JRK: variants seen among roughly 807,000 people sequenced by gnomAD.
JRK encodes Jrk helix-turn-helix protein, also known as jerky protein homolog.
For synonymous variants in JRK, 303 were observed against 218.1 expected (o/e 1.39, Z -3.43); for missense variants, 720 against 509.2 (o/e 1.41, Z -3.98).
intron 1 of JRK, among the ~76,000 whole-genome samples, chr8:142,669,702 G>A (rs587744004): frequency 2.3e-4 from 35 of 151,256 alleles, no homozygotes; most frequent in South Asian, 2.3e-3. Flanking sequence ...GGGGTCGCGC[G>A]GGAAGCACAG....
Position 142,663,725 on chromosome 8 carries a change from A to G in JRK, c.*627T>C. On this transcript the variant is annotated 3_prime_UTR_variant, in exon 2 of 2. Transcript: ENST00000612905. ...GCCCATGGGACAGGATCTGCGGGTA[A>G]CAGAGGATGGTTCCAGAGTCATTCT... The G allele has an allele frequency of 1.0e-6, 1 of 985,480 alleles. No homozygotes were observed. The highest frequency in any genetic ancestry group is 1.2e-6 in the Non-Finnish European group (1 of 829,952). The allele number at this position is 985,480 out of a possible 1,614,324, so 61.0% of individuals were successfully genotyped here.
At position 142,662,241 on chromosome 8, in the gene JRK, G is replaced by C. The variant is rs3824208; in HGVS notation, c.*2111C>G. 0.61 allele frequency: 599,850 copies of C among 985,452 alleles called. 185,687 individuals carry two copies. The highest frequency in any genetic ancestry group is 0.66 in the Admixed American group (10,797 of 16,278). 61.0% of individuals were successfully genotyped at this position (985,452 alleles called of 1,614,324 possible). On this transcript the variant is annotated 3_prime_UTR_variant, in exon 2 of 2. Transcript: ENST00000612905. ...CTCAGGTCCTGAAGAGCTACAGTCT[G>C]ACAGGGACAAGCCATGTCCAGAGGA...
At chr8:142,656,289 C>T (rs4430071), downstream of JRK, among the ~76,000 whole-genome samples, 90,309 of 151,634 alleles carry the variant, frequency 0.6, 28,156 homozygotes, top group Admixed American at 0.69. Context: ...TAGTGGCATC[C>T]ATTTCCCACC....
intron 1 of JRK, 122 bp from the exon 2 acceptor site, chr8:142,666,642 T>C (rs73379628): frequency 0.01 from 1,881 of 181,700 alleles, 32 homozygotes; most frequent in African/African-American, 0.042. Flanking sequence ...AGAGGACCCA[T>C]GCAAGTGCTG....
rs1847123762 is a variant in JRK, at chr8:142,666,178, G to A, written c.-120C>T. ...CCGTCTCTCCCTCTCCACTCTGCCT[G>A]CCTGCTCTGCTGATCCTGAGCACAG... On this transcript the variant is annotated 5_prime_UTR_variant, in exon 2 of 2. Coordinates refer to ENST00000612905, the MANE Select transcript of JRK (RefSeq NM_003724.4). The A allele has an allele frequency of 6.6e-7, 1 of 1,522,078 alleles. No homozygotes were observed. Among genetic ancestry groups the A allele is most frequent in the Admixed American group, 2.0e-5 (1 of 50,702 alleles). 94.3% of individuals were successfully genotyped at this position (1,522,078 alleles called of 1,614,324 possible).
At position 142,659,805 on chromosome 8, in the gene JRK, G is replaced by A; in HGVS notation, c.*4547C>T. ...ACGTGAGGCTGGTCATTAGGAGCAGGTAGCCCTGGGTCTCCCTCTGCCCTC... is the reference window on the plus strand; with the variant it reads ...ACGTGAGGCTGGTCATTAGGAGCAGATAGCCCTGGGTCTCCCTCTGCCCTC... On this transcript the variant is annotated 3_prime_UTR_variant, in exon 2 of 2. Transcript: ENST00000612905. The A allele has an allele frequency of 2.0e-6, 2 of 985,632 alleles. No individual in the cohort carries two copies. Among genetic ancestry groups the A allele is most frequent in the Non-Finnish European group, 2.4e-6 (2 of 830,048 alleles). The allele number at this position is 985,632 out of a possible 1,614,324, so 61.1% of individuals were successfully genotyped here.
chr8:142,662,018 C>CAGG lies in JRK; in HGVS notation c.*2331_*2333dup, dbSNP rs1846932007. On this transcript the variant is annotated 3_prime_UTR_variant, in exon 2 of 2. Transcript: ENST00000612905. ...AGCGAGCCCAGGTGAGGAGGGGCTGCAGGAGGAGCAGGGCCCGAGTCCCCT... is the reference window on the plus strand; with the variant it reads ...AGCGAGCCCAGGTGAGGAGGGGCTGCAGGAGGAGGAGCAGGGCCCGAGTCCCCT... The CAGG allele has an allele frequency of 1.0e-6, 1 of 985,344 alleles. No individual in the cohort carries two copies. The highest frequency in any genetic ancestry group is 1.2e-6 in the Non-Finnish European group (1 of 830,002). 61.0% of individuals were successfully genotyped at this position (985,344 alleles called of 1,614,324 possible). A position where few individuals can be genotyped will look rare whatever the true frequency, so the allele number is the denominator to read the frequency against.
Position 142,658,632 on chromosome 8 carries a change from C to T in JRK, c.*5720G>A. 8.4e-6 allele frequency: 5 copies of T among 596,698 alleles called. No individual in the cohort carries two copies. Among genetic ancestry groups the T allele is most frequent in the Non-Finnish European group, 1.3e-5 (5 of 374,954 alleles). The allele number at this position is 596,698 out of a possible 1,614,324, so 37.0% of individuals were successfully genotyped here. The stretch of plus-strand genomic sequence containing the variant: ...GGCGAGCCCCACCCTCACGATCTCA[C>T]CTAAGCCTAGTCACCTCCCAAAGGC... On this transcript the variant is annotated 3_prime_UTR_variant, in exon 2 of 2. Transcript: ENST00000612905.
Position 142,665,273 on chromosome 8 carries a change from C to T in JRK, c.786G>A (p.Val262=), listed in dbSNP as rs1390978418. The T allele has an allele frequency of 2.8e-6, 2 of 717,784 alleles. No individual in the cohort carries two copies. The highest frequency in any genetic ancestry group is 2.7e-5 in the East Asian group (1 of 37,286). 44.5% of individuals were successfully genotyped at this position (717,784 alleles called of 1,614,324 possible). A position where few individuals can be genotyped will look rare whatever the true frequency, so the allele number is the denominator to read the frequency against. Residue 262 remains valine, a synonymous_variant, in exon 2 of 2, where the codon GTG becomes GTA. Coordinates refer to ENST00000612905, the MANE Select transcript of JRK (RefSeq NM_003724.4). ...VAYKAQGNAW[V]DKEIFSDWFH... ...ACCAATCGGAAAAAATCTCCTTGTC[C>T]ACCCAGGCGTTCCCCTGGGCCTTAT... is the stretch of plus-strand genomic sequence containing the variant.
In JRK at chr8:142,659,157, C is replaced by T; in HGVS notation, c.*5195G>A. 1.5e-6 allele frequency: 2 copies of T among 1,329,526 alleles called. No homozygotes were observed. The highest frequency in any genetic ancestry group is 1.9e-6 in the Non-Finnish European group (2 of 1,036,386). 82.4% of individuals were successfully genotyped at this position (1,329,526 alleles called of 1,614,324 possible). On this transcript the variant is annotated 3_prime_UTR_variant, in exon 2 of 2. Coordinates refer to ENST00000612905, the MANE Select transcript of JRK (RefSeq NM_003724.4). ...TCCCAGCTCAAGCCTGGCAGCTCCT[C>T]CCACTGAGCCTCATGGTCACCCCAG...
chr8:142,669,522 A>G (rs1847254919), intron 1 of JRK, among the ~76,000 whole-genome samples: 1 of 152,164 alleles, frequency 6.6e-6, no homozygotes, highest in Non-Finnish European at 1.5e-5. Flanking sequence ...ACAAGAACAA[A>G]AACAGAAATG....
At position 142,665,720 on chromosome 8, in the gene JRK, G is replaced by T; in HGVS notation, c.339C>A (p.Ile113=). 2 of 765,224 alleles carry T rather than the reference G, an allele frequency of 2.6e-6. No individual in the cohort carries two copies. The highest frequency in any genetic ancestry group is 4.9e-6 in the Non-Finnish European group (2 of 410,996). The allele number at this position is 765,224 out of a possible 1,614,324, so 47.4% of individuals were successfully genotyped here. ...EGVPVSGPML[I]EKAKDFYEQM... ...GCTCGTAGAAGTCCTTGGCCTTCTC[G>T]ATGAGCATGGGGCCTGACACGGGGA... Residue 113 remains isoleucine (I), a synonymous_variant, in exon 2 of 2, where the codon ATC becomes ATA. Coordinates refer to ENST00000612905, the MANE Select transcript of JRK (RefSeq NM_003724.4).
At chr8:142,646,176 A>G in the JRK span, among the ~76,000 whole-genome samples, 7 of 152,344 alleles carry the variant, frequency 4.6e-5, no homozygotes, top group African/African-American at 1.7e-4. Context: ...TACAATAGTC[A>G]TCATTTAAAG....
Position 142,664,818 on chromosome 8 carries a change from G to T in JRK, c.1241C>A (p.Ser414Tyr). 6.3e-7 allele frequency: 1 copy of T among 1,598,520 alleles called. No individual in the cohort carries two copies. Among genetic ancestry groups the T allele is most frequent in the Non-Finnish European group, 8.5e-7 (1 of 1,171,904 alleles). ...ECFPVKPHNK[S>Y]FAHILELVKE... ...CACAAGCTCCAGGATGTGTGCAAAG[G>T]ACTTGTTGTGGGGCTTCACTGGGAA... The change falls in exon 2 of 2, where the codon TCC becomes TAC. Residue 414 changes from serine (S) to tyrosine (Y), a missense_variant. By Grantham distance (144) the Ser-to-Tyr change is moderately radical. Transcript: ENST00000612905.
In JRK at chr8:142,663,105, A is replaced by G. The variant is rs978405557; in HGVS notation, c.*1247T>C. ...GAGGTCGAGGCTGCAGTGAGCTGGG[A>G]TCACACCACTTCACTCCAGCCTGGT... On this transcript the variant is annotated 3_prime_UTR_variant, in exon 2 of 2. Coordinates refer to ENST00000612905, the MANE Select transcript of JRK (RefSeq NM_003724.4). 3.1e-5 allele frequency: 29 copies of G among 941,422 alleles called. No homozygotes were observed. In the African/African-American group the frequency reaches 5.1e-4, roughly 17 times the overall value. The allele number at this position is 941,422 out of a possible 1,614,324, so 58.3% of individuals were successfully genotyped here. A position where few individuals can be genotyped will look rare whatever the true frequency, so the allele number is the denominator to read the frequency against.
Position 142,663,769 on chromosome 8 carries a change from T to A in JRK, c.*583A>T. ...TCATTCTGCTGAATGAGGCCACAAC[T>A]GAAGTGAGATGTGCGGCCTGTTCAG... On this transcript the variant is annotated 3_prime_UTR_variant, in exon 2 of 2. Transcript: ENST00000612905. 3 of 985,596 alleles carry A rather than the reference T, an allele frequency of 3.0e-6. No homozygotes were observed. The highest frequency in any genetic ancestry group is 3.6e-6 in the Non-Finnish European group (3 of 830,070). 61.1% of individuals were successfully genotyped at this position (985,596 alleles called of 1,614,324 possible).
rs1053337714 is a variant in JRK at position 142,660,351 on chromosome 8, T to C, written c.*4001A>G. The C allele has an allele frequency of 2.0e-6, 2 of 985,328 alleles. No homozygotes were observed. Among genetic ancestry groups the C allele is most frequent in the African/African-American group, 3.5e-5 (2 of 57,188 alleles). 61.0% of individuals were successfully genotyped at this position (985,328 alleles called of 1,614,324 possible). ...GACTGTCCACATCCTGACCCCTACC[T>C]ACCTCATGACCTCCCCGACCCTGAT... On this transcript the variant is annotated 3_prime_UTR_variant, in exon 2 of 2. Transcript: ENST00000612905.
Position 142,664,556 on chromosome 8 carries a change from C to T in JRK, c.1503G>A (p.Ala501=), listed in dbSNP as rs782218440. Residue 501 remains alanine, a synonymous_variant, in exon 2 of 2, where the codon GCG becomes GCA. Coordinates refer to ENST00000612905, the MANE Select transcript of JRK (RefSeq NM_003724.4). The part of the protein sequence containing the change: ...AVAFDAVLRF[A]ERQPCFSAQE... ...GCGCACTGAAGCATGGCTGCCGCTCCGCAAAGCGCAGGACTGCGTCAAAGG... is the reference window on the plus strand; with the variant it reads ...GCGCACTGAAGCATGGCTGCCGCTCTGCAAAGCGCAGGACTGCGTCAAAGG... 10 of 1,607,800 alleles carry T rather than the reference C, an allele frequency of 6.2e-6. No individual in the cohort carries two copies. The highest frequency in any genetic ancestry group is 1.6e-4 in the Middle Eastern group (1 of 6,078).
At position 142,664,983 on chromosome 8, in the gene JRK, A is replaced by G; in HGVS notation, c.1076T>C (p.Met359Thr). 1.4e-6 allele frequency: 1 copy of G among 733,656 alleles called. No homozygotes were observed. The highest frequency in any genetic ancestry group is 2.5e-6 in the Non-Finnish European group (1 of 396,800). The allele number at this position is 733,656 out of a possible 1,614,324, so 45.4% of individuals were successfully genotyped here. Residue 359 changes from methionine (M) to threonine (T), a missense_variant, in exon 2 of 2, where the codon ATG (methionine) becomes ACG (threonine). Physicochemically the swap from Met to Thr is moderately conservative, Grantham distance 81. Coordinates refer to ENST00000612905, the MANE Select transcript of JRK (RefSeq NM_003724.4). ...GGCCACGCTGAATATGGCATCGTTC[A>G]TGTTGTAGCGGGCGTGGGGGCCCTG... ...PLQGPHARYNMNDAIFSVACA... is the reference protein window; with the variant it reads ...PLQGPHARYNTNDAIFSVACA...
Sources: gnomAD v4.1 joint callset for allele counts (sites outside exome capture counted in the v4.1 genomes callset) on GRCh38, gnomAD v4.1.1 for gene constraint, MANE v1.5 for transcripts, NCBI Gene and HGNC (gene_info 2026-07-23, HGNC 2026-07-21) for gene names.